The following TIAM2 variants were observed in gnomAD, a reference collection of about 807,000 sequenced individuals.
The protein encoded by TIAM2 is TIAM Rac1 associated GEF 2, also known as rho guanine nucleotide exchange factor TIAM2.
TIAM2 carries 80 observed loss-of-function variants against 152.9 expected under a neutral mutation model. The observed-to-expected ratio is 0.52, with a 90% CI of 0.44 to 0.63. The LOEUF is 0.63. Among genes scored for constraint, TIAM2 ranks in the 30% least tolerant of loss-of-function variants. TIAM2 has a pLI of 0.00. For synonymous variants in TIAM2, 804 were observed against 838.0 expected, an observed-to-expected ratio of 0.96 and a Z score of 0.70; for missense variants, 1,965 against 2,120.1, an observed-to-expected ratio of 0.93 and a Z score of 1.44.
chr6:155,118,238 T>C (rs4870356), intron 2 of TIAM2, among the ~76,000 whole-genome samples: 65,068 of 151,722 alleles, frequency 0.43, 15,831 homozygotes, highest in East Asian at 0.66. Flanking sequence ...CCCTGGTGCT[T>C]GGGACCTGCA....
At chr6:155,225,627 T>C (rs190119292) in intron 15 of TIAM2, among the ~76,000 whole-genome samples, 31 of 152,344 alleles carry the variant, frequency 2.0e-4, no homozygotes, top group Admixed American at 1.8e-3. Context: ...TTGGTTCCCA[T>C]GTATTTATTG....
intron 1 of TIAM2, among the ~76,000 whole-genome samples, chr6:155,012,957 G>C (rs1778514076): frequency 6.6e-6 from 1 of 152,142 alleles, no homozygotes; most frequent in African/African-American, 2.4e-5. Flanking sequence ...CTTAGAGTGA[G>C]TTCAGACTCA....
At chr6:155,098,771 A>G (rs1221719597) in intron 2 of TIAM2, among the ~76,000 whole-genome samples, 21 of 152,236 alleles carry the variant, frequency 1.4e-4, no homozygotes, top group Admixed American at 1.4e-3. Flanking sequence ...ACTTTTATGA[A>G]GAATTAGTTT....
At position 155,059,787 on chromosome 6, in the gene TIAM2, C is replaced by T. The variant is rs531717901; in HGVS notation, c.-208-30502C>T. Among the ~76,000 whole-genome samples the T allele has an allele frequency of 1.8e-3, 275 of 152,236 alleles. 1 individual carries two copies. The highest frequency in any genetic ancestry group is 6.2e-3 in the African/African-American group (258 of 41,542). On this transcript the variant is annotated intron_variant, in intron 1 of 26. Coordinates refer to ENST00000682666, the MANE Select transcript of TIAM2 (RefSeq NM_012454.4). ...AGTTGGTTAGTGTGGTGTCAGCCTG[C>T]TTGGTGTCAGCCATAGTCAAGTCAC...
chr6:155,082,985 C>T (rs909871884), intron 1 of TIAM2, among the ~76,000 whole-genome samples: 7 of 152,210 alleles, frequency 4.6e-5, no homozygotes, highest in African/African-American at 9.6e-5. Context: ...TTTCTTCTCT[C>T]GCCTCATCTC....
Position 155,129,070 on chromosome 6 carries a change from T to C in TIAM2, c.-6-148T>C. The C allele has an allele frequency of 1.5e-6, 1 of 680,582 alleles. No homozygotes were observed. 42.2% of individuals were successfully genotyped at this position (680,582 alleles called of 1,614,324 possible). The stretch of plus-strand genomic sequence containing the variant: ...CTTGCAAAATAAGGAGAGCCTGTTC[T>C]ACTGACTGACTCTTGTCCCTACTCC... On this transcript the variant is annotated intron_variant, in intron 3 of 26. Coordinates refer to ENST00000682666, the MANE Select transcript of TIAM2 (RefSeq NM_012454.4). The surrounding 1 kb of genome is among the most constrained non-coding windows in gnomAD (Gnocchi z 4.8).
At position 155,058,194 on chromosome 6, in the gene TIAM2, T is replaced by A. The variant is rs990061160; in HGVS notation, c.-208-32095T>A. The stretch of plus-strand genomic sequence containing the variant: ...GAAACCAAGATCTGGGTGTAAGGTG[T>A]AATCATTGCTAATGGGATGTTGGTA... On this transcript the variant is annotated intron_variant, in intron 1 of 26. Transcript: ENST00000682666. Among the ~76,000 whole-genome samples the A allele has an allele frequency of 2.0e-5, 3 of 152,196 alleles. No individual in the cohort carries two copies. The South Asian group carries it at 6.2e-4, about 32-fold the overall frequency.
chr6:154,998,861 G>A (rs1474412529), intron 1 of TIAM2, among the ~76,000 whole-genome samples: 1 of 152,134 alleles, frequency 6.6e-6, no homozygotes, highest in Non-Finnish European at 1.5e-5. Flanking sequence ...TATAAGAACA[G>A]CCTTCTGTAT....
intron 2 of TIAM2, among the ~76,000 whole-genome samples, chr6:155,091,066 C>T (rs1172670902): frequency 6.6e-6 from 1 of 152,136 alleles, no homozygotes; most frequent in Non-Finnish European, 1.5e-5. Flanking sequence ...TGAACATAAC[C>T]TTCCCAGGCA....
At chr6:155,096,745 A>C (rs1169136401) in intron 2 of TIAM2, among the ~76,000 whole-genome samples, 1 of 152,100 alleles carries the variant, frequency 6.6e-6, no homozygotes, top group African/African-American at 2.4e-5. Context: ...TTCTTGACCC[A>C]TTCATCTCTT....
At position 155,137,364 on chromosome 6, in the gene TIAM2, AT is replaced by A; in HGVS notation, c.1385del (p.Phe462SerfsTer7). 1 of 1,614,248 alleles carries A rather than the reference AT, an allele frequency of 6.2e-7. No homozygotes were observed. Among genetic ancestry groups the A allele is most frequent in the Non-Finnish European group, 8.5e-7 (1 of 1,180,052 alleles). Reference protein sequence around the residue: ...SDPLRQNIYENFMRELEMSRT... With the variant: ...SDPLRQNIYEXFMRELEMSRT... ...CCCCTCCGGCAGAACATTTATGAGA[AT>A]TTCATGCGAGAGTTGGAAATGAGCA... On this transcript the variant is annotated frameshift_variant, in exon 5 of 27. Transcript: ENST00000682666. LOFTEE classifies it high-confidence loss of function.
At chr6:155,193,479 A>G (rs1410590598) in intron 14 of TIAM2, among the ~76,000 whole-genome samples, 2 of 152,196 alleles carry the variant, frequency 1.3e-5, no homozygotes, top group Non-Finnish European at 2.9e-5. Context: ...ATTTTCCAAA[A>G]TTCTGATTTT....
intron 1 of TIAM2, among the ~76,000 whole-genome samples, chr6:155,011,617 G>A (rs1024091221): frequency 1.3e-5 from 2 of 152,182 alleles, no homozygotes; most frequent in African/African-American, 4.8e-5. Flanking sequence ...ATTTAAACAT[G>A]TGCTAAGCAT....
At chr6:155,165,558 G>T (rs1780408354) in intron 9 of TIAM2, 149 bp downstream of exon 9, 1 of 1,145,376 alleles carries the variant, frequency 8.7e-7, no homozygotes, top group Non-Finnish European at 1.2e-6. Context: ...CTAGCACACT[G>T]GGAGGGCAAG....
chr6:155,029,537 A>ATATATAT (rs1776771540), intron 1 of TIAM2, among the ~76,000 whole-genome samples: 1 of 52,970 alleles, frequency 1.9e-5, no homozygotes, highest in Admixed American at 3.2e-4. Flanking sequence ...ATAGATAATA[A>ATATATAT]TATATATTAT....
At chr6:155,095,055 C>T (rs1004447923) in intron 2 of TIAM2, among the ~76,000 whole-genome samples, 50 of 152,054 alleles carry the variant, frequency 3.3e-4, no homozygotes, top group Non-Finnish European at 1.8e-4. Context: ...CCCTAACATC[C>T]ACTGTGGCCT....
In TIAM2 at chr6:155,191,653, G is replaced by A. The variant is rs536372311; in HGVS notation, c.3064+8153G>A. Among the ~76,000 whole-genome samples the A allele has an allele frequency of 5.3e-5, 8 of 152,224 alleles. No individual in the cohort carries two copies. In the East Asian group the frequency reaches 5.8e-4, roughly 11 times the overall value. The stretch of plus-strand genomic sequence containing the variant: ...CTAAAAATACAAAAATTAGCCAGGC[G>A]TTGTGGCGCACACCTGTAGTTCAAG... On this transcript the variant is annotated intron_variant, in intron 14 of 26. Transcript: ENST00000682666.
rs146396487 is a variant in TIAM2, at chr6:155,082,278, C to T, written c.-208-8011C>T. On this transcript the variant is annotated intron_variant, in intron 1 of 26. Transcript: ENST00000682666. ...GGATTGCTTAAGTCTGGGAGGGAGACGCTGCAGCAAGCCATGATCATGCCA... is the reference window on the plus strand; with the variant it reads ...GGATTGCTTAAGTCTGGGAGGGAGATGCTGCAGCAAGCCATGATCATGCCA... Among the ~76,000 whole-genome samples, 1,211 of 152,102 alleles carry T rather than the reference C, an allele frequency of 8.0e-3. 22 individuals carry two copies. The highest frequency in any genetic ancestry group is 0.027 in the African/African-American group (1,135 of 41,468).
chr6:155,190,034 A>G (rs1583239477), intron 14 of TIAM2, among the ~76,000 whole-genome samples: 1 of 152,328 alleles, frequency 6.6e-6, no homozygotes, highest in South Asian at 2.1e-4. Context: ...TTGGGGCCAG[A>G]TTGTAGAAAA....
Sources: gnomAD v4.1 joint callset for allele counts (sites outside exome capture counted in the v4.1 genomes callset) on GRCh38, gnomAD v4.1.1 for gene constraint, Gnocchi (gnomAD v3.1) non-coding constraint, MANE v1.5 for transcripts, NCBI Gene and HGNC (gene_info 2026-07-23, HGNC 2026-07-21) for gene names.